PHGDH: variants seen among roughly 807,000 people sequenced by gnomAD.
PHGDH encodes phosphoglycerate dehydrogenase, also known as D-3-phosphoglycerate dehydrogenase.
PHGDH carries 50 observed loss-of-function variants against 52.6 expected under a neutral mutation model. The observed-to-expected ratio is 0.95, with a 90% CI of 0.76 to 1.20. The LOEUF (loss-of-function observed/expected upper bound fraction) is 1.20, where lower values mean the gene tolerates loss of function less well. Ranked by LOEUF, PHGDH falls within the 50% of genes most tolerant of loss-of-function variation. The probability of loss-of-function intolerance (pLI) is 0.00; values close to 1 mark genes in which losing one functional copy is unlikely to be tolerated. For missense variants in PHGDH, 630 were observed against 684.6 expected, an observed-to-expected ratio of 0.92 and a Z score of 0.89; for synonymous variants, 271 against 280.5, an observed-to-expected ratio of 0.97 and a Z score of 0.34.
At chr1:119,740,120 T>A (rs772038990) in intron 8 of PHGDH, 5 of 483,320 alleles carry the variant, frequency 1.0e-5, no homozygotes, top group East Asian at 8.0e-5. Flanking sequence ...TGGAGGGGGC[T>A]GGGGCAGACA....
intron 10 of PHGDH, 105 bp from the exon 11 acceptor site, chr1:119,742,702 C>A: frequency 1.3e-6 from 1 of 762,254 alleles, no homozygotes; most frequent in Non-Finnish European, 2.3e-6. Context: ...AGCACATTAT[C>A]CAGGCTGGAG....
Position 119,743,835 on chromosome 1 carries a change from C to T in PHGDH, c.1448-51C>T, listed in dbSNP as rs999738046. 2.1e-6 allele frequency: 3 copies of T among 1,445,826 alleles called. No homozygotes were observed. In the African/African-American group the frequency reaches 4.2e-5, roughly 20 times the overall value. 89.6% of individuals were successfully genotyped at this position (1,445,826 alleles called of 1,614,324 possible). A position where few individuals can be genotyped will look rare whatever the true frequency, so the allele number is the denominator to read the frequency against. The stretch of plus-strand genomic sequence containing the variant: ...TTCTGATTCTGCTCCCAATCCCTCG[C>T]TCCTTTTTCCCCTATCCCCTGTGCC... On this transcript the variant is annotated intron_variant, in intron 11 of 11. Coordinates refer to ENST00000641023, the MANE Select transcript of PHGDH (RefSeq NM_006623.4).
At chr1:119,734,819 C>A in intron 6 of PHGDH, 53 bp downstream of exon 6, 1 of 1,595,304 alleles carries the variant, frequency 6.3e-7, no homozygotes, top group South Asian at 1.1e-5. Flanking sequence ...GACCAGTTAA[C>A]AAATGGGCCC....
chr1:119,715,177 A>C (rs1358358023), intron 1 of PHGDH, among the ~76,000 whole-genome samples: 3 of 152,220 alleles, frequency 2.0e-5, no homozygotes, highest in Non-Finnish European at 2.9e-5. Flanking sequence ...AAATTTTATG[A>C]AATAATACTT....
Position 119,712,078 on chromosome 1 carries a change from G to T in PHGDH, c.56G>T (p.Cys19Phe), listed in dbSNP as rs1319577604. 2 of 1,614,038 alleles carry T rather than the reference G, an allele frequency of 1.2e-6. No individual in the cohort carries two copies. Among genetic ancestry groups the T allele is most frequent in the African/African-American group, 2.7e-5 (2 of 74,914 alleles). The change falls in exon 1 of 12, where the codon TGC becomes TTC. Residue 19 changes from cysteine to phenylalanine, a missense_variant. Physicochemically the swap from Cys to Phe is radical, Grantham distance 205 (BLOSUM62 -2). Transcript: ENST00000641023. ...VLISDSLDPC[C>F]RKILQDGGLQ... Reference sequence around the variant, plus strand: ...ATCAGTGACAGCCTGGACCCTTGCTGCCGGAAGATCTTGCAAGATGGAGGG... The same window carrying T: ...ATCAGTGACAGCCTGGACCCTTGCTTCCGGAAGATCTTGCAAGATGGAGGG...
chr1:119,743,666 G>A (rs587617030), intron 11 of PHGDH, among the ~76,000 whole-genome samples: 1 of 152,338 alleles, frequency 6.6e-6, no homozygotes, highest in South Asian at 2.1e-4. Flanking sequence ...AAAGTCAAGA[G>A]CTACAGCTGA....
intron 2 of PHGDH, 114 bp downstream of exon 2, chr1:119,721,435 C>T: frequency 9.6e-7 from 1 of 1,040,246 alleles, no homozygotes; most frequent in Non-Finnish European, 1.4e-6. Context: ...GGAAGGGCTT[C>T]CAGGAGGATG....
intron 5 of PHGDH, chr1:119,727,423 C>T (rs1411795981): frequency 6.0e-5 from 25 of 416,312 alleles, no homozygotes; most frequent in South Asian, 3.5e-4. Context: ...ACAAGAGACA[C>T]GGTGCAGCAT....
chr1:119,740,523 G>A lies in PHGDH; in HGVS notation c.1078+5G>A, dbSNP rs1487864369. On this transcript the variant is annotated splice_donor_5th_base_variant and intron_variant, in intron 9 of 11. Coordinates refer to ENST00000641023, the MANE Select transcript of PHGDH (RefSeq NM_006623.4). ...CCATCCAGGTGATAACACAGGGTGA[G>A]CTGGGGACCTTGCAGAGGGAGGGGG... 16 of 1,564,164 alleles carry A rather than the reference G, an allele frequency of 1.0e-5. No homozygotes were observed. Among genetic ancestry groups the A allele is most frequent in the Non-Finnish European group, 1.3e-5 (15 of 1,153,370 alleles).
At chr1:119,717,407 A>G (rs1292169171) in intron 1 of PHGDH, among the ~76,000 whole-genome samples, 1 of 152,126 alleles carries the variant, frequency 6.6e-6, no homozygotes, top group East Asian at 1.9e-4. Flanking sequence ...ATTTGAATGT[A>G]ACTGGATTTG....
intron 5 of PHGDH, among the ~76,000 whole-genome samples, chr1:119,733,901 T>A (rs1420045182): frequency 6.6e-6 from 1 of 152,166 alleles, no homozygotes; most frequent in Non-Finnish European, 1.5e-5. Flanking sequence ...GAGAGATGGC[T>A]GCAATCATCT....
In PHGDH at chr1:119,737,230, C is replaced by T. The variant is rs762185673; in HGVS notation, c.909C>T (p.Phe303=). 1.4e-5 allele frequency: 22 copies of T among 1,613,994 alleles called. No homozygotes were observed. The highest frequency in any genetic ancestry group is 3.3e-5 in the South Asian group (3 of 91,070). Residue 303 remains phenylalanine, a synonymous_variant, in exon 8 of 12, where the codon TTC becomes TTT. Transcript: ENST00000641023. The part of the protein sequence containing the change: ...SRCGEEIAVQ[F]VDMVKGKSLT... Reference sequence around the variant, plus strand: ...GTGGGGAGGAAATTGCTGTTCAGTTCGTGGACATGGTGAAGGGGAAATCTC... The same window carrying T: ...GTGGGGAGGAAATTGCTGTTCAGTTTGTGGACATGGTGAAGGGGAAATCTC...
At chr1:119,725,473 G>T (rs1241221564) in intron 3 of PHGDH, among the ~76,000 whole-genome samples, 1 of 152,242 alleles carries the variant, frequency 6.6e-6, no homozygotes, top group Non-Finnish European at 1.5e-5. Context: ...TTCCCAAGAA[G>T]TGAACAGTTC....
intron 7 of PHGDH, 22 bp downstream of exon 7, chr1:119,735,465 C>G (rs200457384): frequency 1.8e-5 from 29 of 1,607,478 alleles, no homozygotes; most frequent in South Asian, 1.6e-4. Flanking sequence ...GCAGCCTCAG[C>G]GTCAGGAGGA....
At position 119,737,179 on chromosome 1, in the gene PHGDH, C is replaced by G. The variant is rs1557978848; in HGVS notation, c.858C>G (p.Ala286=). 6.2e-7 allele frequency: 1 copy of G among 1,613,866 alleles called. No individual in the cohort carries two copies. Among genetic ancestry groups the G allele is most frequent in the Admixed American group, 1.7e-5 (1 of 60,032 alleles). Residue 286 remains alanine (A), a synonymous_variant, in exon 8 of 12, where the codon GCC becomes GCG. Transcript: ENST00000641023. Reference sequence around the variant, plus strand: ...TCATCAGCTGTCCCCACCTGGGTGCCAGCACCAAGGAGGCTCAGAGCCGCT... The same window carrying G: ...TCATCAGCTGTCCCCACCTGGGTGCGAGCACCAAGGAGGCTCAGAGCCGCT... The part of the protein sequence containing the change: ...ENVISCPHLG[A]STKEAQSRCG...
At chr1:119,724,336 A>T (rs1400427235) in intron 3 of PHGDH, 1 of 197,924 alleles carries the variant, frequency 5.1e-6, no homozygotes, top group Non-Finnish European at 1.0e-5. Flanking sequence ...ACCTTCCGGG[A>T]CCAAGAAATT....
chr1:119,737,045 G>A (rs1002158613), intron 7 of PHGDH, 69 bp from the exon 8 acceptor site: 1 of 1,522,102 alleles, frequency 6.6e-7, no homozygotes, highest in Non-Finnish European at 9.1e-7. Context: ...CTTTCCTGTT[G>A]CCTGGGGTGG....
chr1:119,717,232 CAA>C (rs58549149), intron 1 of PHGDH, among the ~76,000 whole-genome samples: 2 of 37,352 alleles, frequency 5.4e-5, no homozygotes, highest in African/African-American at 1.1e-4. Context: ...AACTCTGTCT[CAA>C]AAAAAAAAAA....
In PHGDH at chr1:119,727,065, G is replaced by C; in HGVS notation, c.473G>C (p.Arg158Thr). Residue 158 changes from arginine (R) to threonine (T), a missense_variant, in exon 5 of 12, where the codon AGA (arginine) becomes ACA (threonine). Physicochemically the swap from Arg to Thr is moderately conservative, Grantham distance 71 (BLOSUM62 -1). Transcript: ENST00000641023. ...LGILGLGRIGREVATRMQSFG... is the reference protein window; with the variant it reads ...LGILGLGRIGTEVATRMQSFG... ...ATTCTTGGCCTGGGCAGGATTGGGAGAGAGGTAGCTACCCGGATGCAGTCC... is the reference window on the plus strand; with the variant it reads ...ATTCTTGGCCTGGGCAGGATTGGGACAGAGGTAGCTACCCGGATGCAGTCC... 1.2e-6 allele frequency: 2 copies of C among 1,612,146 alleles called. No individual in the cohort carries two copies. Among genetic ancestry groups the C allele is most frequent in the South Asian group, 2.2e-5 (2 of 91,062 alleles).
Sources: gnomAD v4.1 joint callset for allele counts (sites outside exome capture counted in the v4.1 genomes callset) on GRCh38, gnomAD v4.1.1 for gene constraint, MANE v1.5 for transcripts, NCBI Gene and HGNC (gene_info 2026-07-23, HGNC 2026-07-21) for gene names.